The following PSME4 variants were observed in gnomAD, a reference collection of about 807,000 sequenced individuals.
PSME4 encodes the protein proteasome activator complex subunit 4.
Under a neutral mutation model 253.9 loss-of-function variants are expected in PSME4, and 89 were observed. The ratio of observed to expected loss-of-function variants is 0.35; its 90% CI spans 0.30 to 0.42. The LOEUF (loss-of-function observed/expected upper bound fraction) is 0.42, where lower values mean the gene tolerates loss of function less well. Among genes scored for constraint, PSME4 ranks in the 10% least tolerant of loss-of-function variants. The probability of loss-of-function intolerance (pLI) is 1.00; values close to 1 mark genes in which losing one functional copy is unlikely to be tolerated. For synonymous variants in PSME4, 851 were observed against 759.2 expected (o/e 1.12, Z -1.99); for missense variants, 2,014 against 2,195.2 (o/e 0.92, Z 1.65).
At position 53,951,177 on chromosome 2, in the gene PSME4, G is replaced by C. The variant is rs546360260; in HGVS notation, c.243-1894C>G. 1.2e-4 allele frequency among the ~76,000 whole-genome samples: 18 copies of C among 152,180 alleles called. No homozygotes were observed. In the East Asian group the frequency reaches 3.1e-3, roughly 26 times the overall value. On this transcript the variant is annotated intron_variant, in intron 1 of 46. Transcript: ENST00000404125. The stretch of plus-strand genomic sequence containing the variant: ...AGCTCACCGCAACCTCTGCCTCCTG[G>C]ATTCAAGCAATTCTCCTGCCTCAGC...
rs1422897648 is a variant in PSME4 at position 53,866,843 on chromosome 2, A to G, written c.5301T>C (p.Gly1767=). The change falls in exon 45 of 47, where the codon GGT becomes GGC. Residue 1767 remains glycine, a synonymous_variant. Coordinates refer to ENST00000404125, the MANE Select transcript of PSME4 (RefSeq NM_014614.3). ...VKRHAGVLGL[G]ACVLSSPYDV... ...CGTAAGGACTAGAAAGAACACATGC[A>G]CCAAGTCCTAGCACCCCAGCATGGC... is the stretch of plus-strand genomic sequence containing the variant. 6.2e-7 allele frequency: 1 copy of G among 1,614,124 alleles called. No individual in the cohort carries two copies.
rs1212761837 is a variant in PSME4 at position 53,899,989 on chromosome 2, T to C, written c.3314A>G (p.Glu1105Gly). ...TIPKSCVEIAELLQQSKNPSI... is the reference protein window; with the variant it reads ...TIPKSCVEIAGLLQQSKNPSI... ...GGGGTTTTTTGACTGTTGAAGTAAT[T>C]CCGCTATTTCAACACATGACTTTGG... The change falls in exon 29 of 47, where the codon GAA becomes GGA. Residue 1105 changes from glutamate (E) to glycine (G), a missense_variant. By Grantham distance (98) the Glu-to-Gly change is moderately conservative. Around this residue, in one of 4 missense-constraint regions of PSME4, gnomAD observed 989 missense variants for 1,021.1 expected, o/e 0.97. Coordinates refer to ENST00000404125, the MANE Select transcript of PSME4 (RefSeq NM_014614.3). 3 of 1,613,340 alleles carry C rather than the reference T, an allele frequency of 1.9e-6. No individual in the cohort carries two copies. Among genetic ancestry groups the C allele is most frequent in the Non-Finnish European group, 1.7e-6 (2 of 1,179,724 alleles).
chr2:53,912,844 T>C (rs1667886632), intron 20 of PSME4, among the ~76,000 whole-genome samples: 1 of 152,220 alleles, frequency 6.6e-6, no homozygotes, highest in Non-Finnish European at 1.5e-5. Context: ...CTGTATCTCT[T>C]TGTGACATTA....
rs781289558 is a variant in PSME4 at position 53,897,972 on chromosome 2, A to G, written c.3504T>C (p.Ile1168=). Reference sequence around the variant, plus strand: ...CTCTCAGCAGTAGAGACAGAAGCCCAATGCCTATATGTTCAAATTTCCAGG... The same window carrying G: ...CTCTCAGCAGTAGAGACAGAAGCCCGATGCCTATATGTTCAAATTTCCAGG... ...NLPWKFEHIG[I]GLLSLLLRDD... The change falls in exon 31 of 47, where the codon ATT becomes ATC. Residue 1168 remains isoleucine, a synonymous_variant. Coordinates refer to ENST00000404125, the MANE Select transcript of PSME4 (RefSeq NM_014614.3). 22 of 1,613,922 alleles carry G rather than the reference A, an allele frequency of 1.4e-5. 2 individuals are homozygous for G. The Admixed American group carries it at 2.2e-4, about 16-fold the overall frequency.
At chr2:53,953,601 C>CTT (rs5831285) in intron 1 of PSME4, among the ~76,000 whole-genome samples, 38 of 142,360 alleles carry the variant, frequency 2.7e-4, no homozygotes, top group Non-Finnish European at 3.1e-4. Context: ...AGCTGTTTGT[C>CTT]TTTTTTTTTT....
rs1680680242 is a variant in PSME4 at position 53,906,791 on chromosome 2, G to C, written c.2847+15C>G. ...GACATTTTAAAAAGTCACTATGACT[G>C]AAAAACATATTTACCTCATGCTGTA... is the stretch of plus-strand genomic sequence containing the variant. On this transcript the variant is annotated intron_variant, in intron 25 of 46. Transcript: ENST00000404125. The C allele has an allele frequency of 6.2e-7, 1 of 1,610,486 alleles. No individual in the cohort carries two copies. Among genetic ancestry groups the C allele is most frequent in the Non-Finnish European group, 8.5e-7 (1 of 1,178,844 alleles).
At chr2:53,940,671 C>T (rs891346829) in intron 3 of PSME4, among the ~76,000 whole-genome samples, 2 of 151,176 alleles carry the variant, frequency 1.3e-5, no homozygotes, top group African/African-American at 4.9e-5. Flanking sequence ...GGTTTAAACA[C>T]GTGACCAGAA....
intron 20 of PSME4, among the ~76,000 whole-genome samples, chr2:53,912,274 T>G (rs1573271441): frequency 6.6e-6 from 1 of 152,160 alleles, no homozygotes; most frequent in African/African-American, 2.4e-5. Flanking sequence ...TGAATGTATT[T>G]TGGTATGCTG....
intron 3 of PSME4, among the ~76,000 whole-genome samples, chr2:53,941,274 T>C (rs1669441439): frequency 6.8e-6 from 1 of 146,528 alleles, no homozygotes; most frequent in African/African-American, 2.5e-5. Context: ...GGCAACTAGA[T>C]TACAACACAT....
chr2:53,935,454 C>A (rs865926066), intron 7 of PSME4, among the ~76,000 whole-genome samples: 12 of 152,244 alleles, frequency 7.9e-5, no homozygotes, highest in African/African-American at 2.6e-4. Flanking sequence ...CCCCCACAAG[C>A]CCTACTCAAG....
chr2:53,948,711 ATTCTT>A (rs1289503461), intron 2 of PSME4, among the ~76,000 whole-genome samples, 174 bp from the exon 3 acceptor site: 25 of 152,324 alleles, frequency 1.6e-4, no homozygotes, highest in African/African-American at 6.0e-4. Context: ...AATGCACCCA[ATTCTT>A]GCTGCTGCTC....
In PSME4 at chr2:53,921,085, C is replaced by G; in HGVS notation, c.2066G>C (p.Arg689Thr). ...LLSEITRVDGRKLLLYREQLV... is the reference protein window; with the variant it reads ...LLSEITRVDGTKLLLYREQLV... ...CTGCTCCCTATAAAGAAGCAACTTC[C>G]TTCCATCCACTCGAGTAATCTAAAA... is the stretch of plus-strand genomic sequence containing the variant. Residue 689 changes from arginine to threonine, a missense_variant, in exon 18 of 47, where the codon AGG becomes ACG. Coordinates refer to ENST00000404125, the MANE Select transcript of PSME4 (RefSeq NM_014614.3). The G allele has an allele frequency of 1.2e-6, 2 of 1,613,680 alleles. No individual in the cohort carries two copies. Among genetic ancestry groups the G allele is most frequent in the East Asian group, 4.5e-5 (2 of 44,852 alleles).
rs754883260 is a variant in PSME4, at chr2:53,937,527, C to A, written c.559G>T (p.Asp187Tyr). The A allele has an allele frequency of 6.2e-7, 1 of 1,609,450 alleles. No homozygotes were observed. The highest frequency in any genetic ancestry group is 1.1e-5 in the South Asian group (1 of 90,006). Residue 187 changes from aspartate (D) to tyrosine (Y), a missense_variant, in exon 5 of 47, where the codon GAT becomes TAT. Coordinates refer to ENST00000404125, the MANE Select transcript of PSME4 (RefSeq NM_014614.3). ...TCTTCTAGCATCTCAGCGGTGGCATCTGCTGGAAAATATCTAATAAAAAAA... is the reference window on the plus strand; with the variant it reads ...TCTTCTAGCATCTCAGCGGTGGCATATGCTGGAAAATATCTAATAAAAAAA... ...VKSCRPYFPA[D>Y]ATAEMLEEWR...
At chr2:53,957,249 G>A (rs1282662731) in intron 1 of PSME4, among the ~76,000 whole-genome samples, 1 of 152,158 alleles carries the variant, frequency 6.6e-6, no homozygotes, top group Non-Finnish European at 1.5e-5. Context: ...CACAGATGGC[G>A]GGGGTAGTTT....
In PSME4 at chr2:53,869,493, T is replaced by A. The variant is rs1176872642; in HGVS notation, c.5146A>T (p.Asn1716Tyr). 2 of 1,582,808 alleles carry A rather than the reference T, an allele frequency of 1.3e-6. No homozygotes were observed. Among genetic ancestry groups the A allele is most frequent in the South Asian group, 2.3e-5 (2 of 86,488 alleles). The change falls in exon 44 of 47, where the codon AAC becomes TAC. Residue 1716 changes from asparagine to tyrosine, a missense_variant. By Grantham distance (143) the Asn-to-Tyr change is moderately radical. Transcript: ENST00000404125. ...ATAGGACTGTCCATGGTAAGAAAGTTACACTGTAGCAGACCGCTTAAGGTA... is the reference window on the plus strand; with the variant it reads ...ATAGGACTGTCCATGGTAAGAAAGTAACACTGTAGCAGACCGCTTAAGGTA... ...ATTLSGLLQC[N>Y]FLTMDSPMQI...
At chr2:53,922,706 T>TA (rs1351267705) in intron 16 of PSME4, 122 bp from the exon 17 acceptor site, 2 of 1,209,862 alleles carry the variant, frequency 1.7e-6, no homozygotes, top group Admixed American at 6.2e-5. Context: ...GAAGACTTTT[T>TA]ATTTCTTCTT....
intron 11 of PSME4, among the ~76,000 whole-genome samples, chr2:53,927,822 C>T (rs988125746): frequency 5.3e-5 from 8 of 152,008 alleles, no homozygotes; most frequent in African/African-American, 1.9e-4. Context: ...TGGCGTGTGC[C>T]TATAATCCCA....
At chr2:53,962,689 T>G (rs1670542990) in intron 1 of PSME4, among the ~76,000 whole-genome samples, 1 of 152,164 alleles carries the variant, frequency 6.6e-6, no homozygotes. Context: ...CCTGGCCTAG[T>G]CTGTCCTAAA....
chr2:53,894,898 C>G (rs1185826978), intron 34 of PSME4, 109 bp downstream of exon 34: 1 of 1,004,224 alleles, frequency 1.0e-6, no homozygotes, highest in Non-Finnish European at 1.5e-6. Context: ...TACAGAAAAA[C>G]ACAAATTGTA....
Sources: gnomAD v4.1 joint callset for allele counts (sites outside exome capture counted in the v4.1 genomes callset) on GRCh38, gnomAD v4.1.1 for gene constraint, gnomAD v4.1.1 regional missense constraint, MANE v1.5 for transcripts, NCBI Gene and HGNC (gene_info 2026-07-23, HGNC 2026-07-21) for gene names.